ATRNL1: variants seen among roughly 807,000 people sequenced by gnomAD.
ATRNL1 encodes the protein attractin like 1, also known as attractin-like protein 1.
A neutral mutation model predicts 182.7 loss-of-function variants in ATRNL1; 95 were observed. The observed-to-expected ratio is 0.52, with a 90% CI of 0.44 to 0.62. The LOEUF is 0.62. Among genes scored for constraint, ATRNL1 ranks in the 20% least tolerant of loss-of-function variants. The pLI is 0.00. For synonymous variants in ATRNL1, 576 were observed against 568.3 expected (o/e 1.01, Z -0.19); for missense variants, 1,471 against 1,679.5 (o/e 0.88, Z 2.17).
intron 5 of ATRNL1, among the ~76,000 whole-genome samples, chr10:115,155,653 A>G (rs1336816716): frequency 6.6e-6 from 1 of 152,168 alleles, no homozygotes; most frequent in Non-Finnish European, 1.5e-5. Flanking sequence ...ATAAGTGTAT[A>G]CTGAGGCTAA....
At chr10:115,251,174 A>G (rs1850860893) in intron 10 of ATRNL1, among the ~76,000 whole-genome samples, 1 of 152,144 alleles carries the variant, frequency 6.6e-6, no homozygotes, top group African/African-American at 2.4e-5. Context: ...TAGTTTGCCA[A>G]ACTGATGATT....
chr10:115,780,957 A>G (rs2960684), intron 27 of ATRNL1, among the ~76,000 whole-genome samples: 147,584 of 152,260 alleles, frequency 0.97, 71,703 homozygotes, highest in East Asian at 1. Context: ...GAAGGAATAT[A>G]TATGGAAGTT....
rs183193465 is a variant in ATRNL1, at chr10:115,648,372, A to G, written c.3796-78876A>G. ...AAGAATCAATACCATGAAAATGGCCATACTGCCCAAAGTAATTTATAGATT... is the reference window on the plus strand; with the variant it reads ...AAGAATCAATACCATGAAAATGGCCGTACTGCCCAAAGTAATTTATAGATT... On this transcript the variant is annotated intron_variant, in intron 26 of 28. Transcript: ENST00000355044. Among the ~76,000 whole-genome samples the G allele has an allele frequency of 1.5e-3, 224 of 152,338 alleles. 1 individual carries two copies. The highest frequency in any genetic ancestry group is 4.8e-3 in the African/African-American group (200 of 41,580).
intron 26 of ATRNL1, among the ~76,000 whole-genome samples, chr10:115,590,264 C>T (rs1565193899): frequency 1.3e-5 from 2 of 152,180 alleles, no homozygotes; most frequent in African/African-American, 4.8e-5. Context: ...TATTTAAGCA[C>T]ATGACTGACT....
At chr10:115,904,700 G>A (rs782342573) in intron 28 of ATRNL1, among the ~76,000 whole-genome samples, 4 of 152,086 alleles carry the variant, frequency 2.6e-5, no homozygotes, top group Non-Finnish European at 5.9e-5. Flanking sequence ...ATATTTAATC[G>A]ACTGTCAACA....
At chr10:115,105,359 A>G (rs534219323) in intron 1 of ATRNL1, among the ~76,000 whole-genome samples, 187 of 152,352 alleles carry the variant, frequency 1.2e-3, no homozygotes, top group African/African-American at 4.2e-3. Context: ...AAGGCATTCC[A>G]TTCTCAAAGG....
intron 26 of ATRNL1, among the ~76,000 whole-genome samples, chr10:115,554,100 G>A (rs1853169626): frequency 6.6e-6 from 1 of 151,506 alleles, no homozygotes; most frequent in African/African-American, 2.4e-5. Context: ...TTTTGTAAAT[G>A]TTTAAACATT....
intron 26 of ATRNL1, among the ~76,000 whole-genome samples, chr10:115,593,255 C>T (rs1285699887): frequency 4.6e-5 from 7 of 152,116 alleles, no homozygotes; most frequent in South Asian, 2.1e-4. Context: ...GACCTCATGA[C>T]GTAATCACCA....
intron 28 of ATRNL1, among the ~76,000 whole-genome samples, chr10:115,888,034 A>G (rs1201178761): frequency 6.6e-6 from 1 of 152,084 alleles, no homozygotes; most frequent in African/African-American, 2.4e-5. Context: ...AGGACCTTCC[A>G]TTGCTCTCAT....
chr10:115,672,371 C>A (rs920537421), intron 26 of ATRNL1, among the ~76,000 whole-genome samples: 1 of 152,042 alleles, frequency 6.6e-6, no homozygotes, highest in Non-Finnish European at 1.5e-5. Flanking sequence ...TTATTGTATT[C>A]CTTTTGAAAG....
intron 27 of ATRNL1, among the ~76,000 whole-genome samples, chr10:115,821,215 C>T (rs1463027756): frequency 1.3e-5 from 2 of 152,036 alleles, no homozygotes; most frequent in African/African-American, 2.4e-5. Context: ...AATAAAAGCA[C>T]CTACCTCATA....
chr10:115,663,932 A>G (rs187081481), intron 26 of ATRNL1, among the ~76,000 whole-genome samples: 12 of 152,242 alleles, frequency 7.9e-5, no homozygotes, highest in African/African-American at 2.4e-4. Flanking sequence ...TTTACTTGGA[A>G]TTCTAGCACC....
chr10:115,650,106 A>T (rs782106600), intron 26 of ATRNL1, among the ~76,000 whole-genome samples: 10 of 152,096 alleles, frequency 6.6e-5, no homozygotes, highest in Non-Finnish European at 1.5e-4. Context: ...TGTATCAGCC[A>T]AGTTAGGTAG....
intron 8 of ATRNL1, among the ~76,000 whole-genome samples, chr10:115,203,192 C>A (rs1249703195): frequency 6.6e-6 from 1 of 152,078 alleles, no homozygotes; most frequent in Admixed American, 6.6e-5. Context: ...TGATGAATTT[C>A]TTTTATTATG....
intron 28 of ATRNL1, among the ~76,000 whole-genome samples, chr10:115,856,194 C>T (rs868978468): frequency 6.6e-6 from 1 of 151,580 alleles, no homozygotes; most frequent in Non-Finnish European, 1.5e-5. Flanking sequence ...TTTGGGAGGC[C>T]GAGGCAGGTG....
intron 21 of ATRNL1, among the ~76,000 whole-genome samples, chr10:115,459,123 T>C (rs1166792335): frequency 6.6e-6 from 1 of 152,310 alleles, no homozygotes. Context: ...TTGTCTTTGC[T>C]TTAATCTCTT....
intron 27 of ATRNL1, among the ~76,000 whole-genome samples, chr10:115,789,751 C>A (rs2420115): frequency 0.78 from 118,126 of 152,046 alleles, 46,022 homozygotes; most frequent in African/African-American, 0.83. Context: ...CTGCTTCCTA[C>A]GCCAGGGCAA....
At chr10:115,437,118 A>C (rs1414980379) in intron 21 of ATRNL1, among the ~76,000 whole-genome samples, 3 of 151,996 alleles carry the variant, frequency 2.0e-5, no homozygotes, top group African/African-American at 7.2e-5. Context: ...AGATAGGAAG[A>C]AGTGGAACCA....
At chr10:115,692,248 G>A (rs2133975121) in intron 26 of ATRNL1, among the ~76,000 whole-genome samples, 1 of 152,212 alleles carries the variant, frequency 6.6e-6, no homozygotes. Context: ...AAGCTAATAG[G>A]TGCCTGATGG....
Sources: allele counts gnomAD v4.1 joint callset (sites outside exome capture counted in the v4.1 genomes callset), GRCh38; gene constraint gnomAD v4.1.1; transcripts MANE v1.5; gene names NCBI Gene and HGNC (gene_info 2026-07-23, HGNC 2026-07-21).